Variants in PSD3 observed in about 807,000 individuals in gnomAD.
The protein encoded by PSD3 is pleckstrin and Sec7 domain containing 3.
Under a neutral mutation model 105.5 loss-of-function variants are expected in PSD3, and 49 were observed. The ratio of observed to expected loss-of-function variants is 0.46; its 90% CI spans 0.37 to 0.59. PSD3 has a LOEUF of 0.59. Ranked by LOEUF, PSD3 falls within the 20% of genes least tolerant of loss-of-function variation. The probability of loss-of-function intolerance (pLI) is 0.00; values close to 1 mark genes in which losing one functional copy is unlikely to be tolerated. For synonymous variants in PSD3, 557 were observed against 457.8 expected (o/e 1.22, Z -2.77); for missense variants, 1,561 against 1,263.8 (o/e 1.24, Z -3.57).
intron 4 of PSD3, among the ~76,000 whole-genome samples, chr8:18,828,564 G>A (rs1235149370): frequency 6.6e-6 from 1 of 152,122 alleles, no homozygotes; most frequent in African/African-American, 2.4e-5. Flanking sequence ...ACCCTGGGAG[G>A]CCAAGGCAGG....
intron 11 of PSD3, among the ~76,000 whole-genome samples, chr8:18,612,819 G>A (rs145435872): frequency 7.2e-4 from 110 of 152,296 alleles, no homozygotes; most frequent in African/African-American, 2.5e-3. Context: ...AAACATGAAT[G>A]CAAACAATAA....
chr8:18,828,499 C>T (rs1046413021), intron 4 of PSD3, among the ~76,000 whole-genome samples: 13 of 152,050 alleles, frequency 8.5e-5, no homozygotes, highest in Non-Finnish European at 1.5e-4. Context: ...GTATTTTTTA[C>T]GATGAAAAGT....
At chr8:18,842,351 T>C (rs1273474476) in intron 4 of PSD3, among the ~76,000 whole-genome samples, 1 of 152,230 alleles carries the variant, frequency 6.6e-6, no homozygotes, top group Non-Finnish European at 1.5e-5. Context: ...GACATAAAAA[T>C]GCTCTCATAA....
At chr8:18,904,233 C>T (rs1157069769) in intron 2 of PSD3, among the ~76,000 whole-genome samples, 11 of 152,120 alleles carry the variant, frequency 7.2e-5, no homozygotes, top group Non-Finnish European at 1.6e-4. Context: ...CTTATATAAA[C>T]TAACAGAGTG....
intron 1 of PSD3, among the ~76,000 whole-genome samples, chr8:18,950,615 T>A (rs1383119578): frequency 1.3e-5 from 2 of 152,170 alleles, no homozygotes; most frequent in Admixed American, 6.6e-5. Context: ...CACATACAAG[T>A]GAGAACATGC....
At chr8:18,987,612 G>A (rs940864859) in intron 1 of PSD3, among the ~76,000 whole-genome samples, 1 of 151,906 alleles carries the variant, frequency 6.6e-6, no homozygotes, top group Non-Finnish European at 1.5e-5. Flanking sequence ...GAAGCCAGGA[G>A]TTCAAGACCA....
At chr8:18,734,196 G>A (rs964813243) in intron 9 of PSD3, 5 of 152,180 alleles carry the variant, frequency 3.3e-5, no homozygotes, top group African/African-American at 1.2e-4. Flanking sequence ...CTTGAATTCT[G>A]CCTCTATGTA....
At chr8:18,566,532 A>G (rs1183531624) in intron 14 of PSD3, among the ~76,000 whole-genome samples, 8 of 145,354 alleles carry the variant, frequency 5.5e-5, no homozygotes, top group Non-Finnish European at 1.1e-4. Context: ...TCTCAAAAAA[A>G]AAAAAAAAAA....
chr8:18,784,862 A>G (rs1461925141), intron 8 of PSD3, among the ~76,000 whole-genome samples: 3 of 152,134 alleles, frequency 2.0e-5, no homozygotes, highest in Non-Finnish European at 4.4e-5. Flanking sequence ...GAGGCTTTAT[A>G]ACACAGACAT....
intron 4 of PSD3, among the ~76,000 whole-genome samples, chr8:18,863,710 G>T (rs1340344607): frequency 2.6e-5 from 4 of 152,068 alleles, no homozygotes; most frequent in Non-Finnish European, 4.4e-5. Flanking sequence ...TGAGCCGCTT[G>T]ATGTCACAAA....
At chr8:18,742,883 T>G (rs1804687933) in intron 9 of PSD3, among the ~76,000 whole-genome samples, 2 of 152,176 alleles carry the variant, frequency 1.3e-5, no homozygotes, top group South Asian at 4.1e-4. Context: ...GAGTAATTAG[T>G]TAATCTTCCA....
rs570276801 is a variant in PSD3, at chr8:18,970,274, G to A, written c.22-34132C>T. On this transcript the variant is annotated intron_variant, in intron 1 of 15. Transcript: ENST00000327040. ...CGGGAGGCGGAGCTTGCAGTGAGCC[G>A]AGATCGCACCACTGCACTCCAGCCT... is the stretch of plus-strand genomic sequence containing the variant. Among the ~76,000 whole-genome samples the A allele has an allele frequency of 9.0e-4, 113 of 124,934 alleles. 1 individual carries two copies. Among genetic ancestry groups the A allele is most frequent in the Middle Eastern group, 7.6e-3 (1 of 132 alleles). The allele number at this position is 124,934 out of a possible 152,430, so 82.0% of individuals were successfully genotyped here. A position where few individuals can be genotyped will look rare whatever the true frequency, so the allele number is the denominator to read the frequency against.
chr8:18,729,102 C>T (rs1473769637), intron 9 of PSD3, among the ~76,000 whole-genome samples: 1 of 152,084 alleles, frequency 6.6e-6, no homozygotes, highest in Non-Finnish European at 1.5e-5. Context: ...TAACAACTAA[C>T]AGAGACTAAT....
intron 9 of PSD3, among the ~76,000 whole-genome samples, chr8:18,722,908 C>A (rs755425666): frequency 2.1e-4 from 32 of 152,312 alleles, no homozygotes; most frequent in South Asian, 8.3e-4. Context: ...CCACAATGAG[C>A]AACAATTATA....
intron 2 of PSD3, among the ~76,000 whole-genome samples, chr8:18,905,279 AATGAAGCTCTCC>A (rs1388238856): frequency 6.6e-6 from 1 of 152,098 alleles, no homozygotes; most frequent in African/African-American, 2.4e-5. Flanking sequence ...CTGAGCTCTC[AATGAAGCTCTCC>A]ATGCCTCACC....
At position 18,805,310 on chromosome 8, in the gene PSD3, G is replaced by GT. The variant is rs546554786; in HGVS notation, c.1635-413dup. Among the ~76,000 whole-genome samples the GT allele has an allele frequency of 8.2e-3, 1,246 of 152,084 alleles. 8 individuals carry two copies. The highest frequency in any genetic ancestry group is 0.013 in the Non-Finnish European group (910 of 67,956). On this transcript the variant is annotated intron_variant, in intron 4 of 15. Coordinates refer to ENST00000327040, the MANE Select transcript of PSD3 (RefSeq NM_015310.4). ...TTTTCCAGAAGAACTAAAATTCACT[G>GT]TTTTTTTAAAACACAAATTTCTTTA... is the stretch of plus-strand genomic sequence containing the variant.
At chr8:18,830,773 T>C (rs760192116) in intron 4 of PSD3, among the ~76,000 whole-genome samples, 19 of 152,190 alleles carry the variant, frequency 1.2e-4, no homozygotes, top group African/African-American at 4.3e-4. Context: ...AGTGTAGACA[T>C]GGAAGTATCT....
chr8:19,023,722 C>T (rs1335712294), intron 1 of PSD3, among the ~76,000 whole-genome samples: 1 of 152,188 alleles, frequency 6.6e-6, no homozygotes. Context: ...CAGGCATGAG[C>T]CACTGAGAAT....
Position 18,749,858 on chromosome 8 carries a change from G to C in PSD3, c.2172+15591C>G, listed in dbSNP as rs1363534108. 2.6e-5 allele frequency among the ~76,000 whole-genome samples: 4 copies of C among 152,056 alleles called. No homozygotes were observed. The East Asian group carries it at 7.7e-4, about 29-fold the overall frequency. On this transcript the variant is annotated intron_variant, in intron 9 of 15. Coordinates refer to ENST00000327040, the MANE Select transcript of PSD3 (RefSeq NM_015310.4). ...CTGGGCAACAACCAACAAGAAAAGG[G>C]GGACCGCAGTCCTATGACCACACAG...
Sources: allele counts gnomAD v4.1 joint callset (sites outside exome capture counted in the v4.1 genomes callset), GRCh38; gene constraint gnomAD v4.1.1; transcripts MANE v1.5; gene names NCBI Gene and HGNC (gene_info 2026-07-23, HGNC 2026-07-21).